CPA1: variants seen among roughly 807,000 people sequenced by gnomAD.
CPA1 encodes carboxypeptidase A1 (pancreatic).
CPA1 carries 42 observed loss-of-function variants against 48.7 expected under a neutral mutation model. The ratio of observed to expected loss-of-function variants is 0.86; its 90% CI spans 0.67 to 1.11. The LOEUF is 1.11. Ranked by LOEUF, CPA1 falls within the 50% of genes most tolerant of loss-of-function variation. CPA1 has a pLI of 0.00. For synonymous variants in CPA1, 203 were observed against 217.9 expected, an observed-to-expected ratio of 0.93 and a Z score of 0.60; for missense variants, 477 against 544.7, an observed-to-expected ratio of 0.88 and a Z score of 1.24.
chr7:130,386,911 C>T (rs2117508138), intron 9 of CPA1, among the ~76,000 whole-genome samples: 1 of 152,276 alleles, frequency 6.6e-6, no homozygotes, highest in Non-Finnish European at 1.5e-5. Flanking sequence ...GGGTGGGCCT[C>T]ATTGACAGAG....
chr7:130,383,277 T>G, intron 4 of CPA1, 114 bp from the exon 5 acceptor site: 1 of 791,170 alleles, frequency 1.3e-6, no homozygotes, highest in Non-Finnish European at 2.2e-6. Context: ...AGCCTCTACC[T>G]GAGATACACA....
intron 2 of CPA1, among the ~76,000 whole-genome samples, 165 bp from the exon 3 acceptor site, chr7:130,381,465 C>G (rs1796402707): frequency 6.6e-6 from 1 of 152,272 alleles, no homozygotes; most frequent in Non-Finnish European, 1.5e-5. Flanking sequence ...TCTCCAGTCC[C>G]CAGGGTTTCC....
rs28741972 is a variant in CPA1, at chr7:130,385,939, G to T, written c.1072+16G>T. ...AAGGCAATTTGTAAGTGGCCGTAGG[G>T]TCTCTCTTGATGGGCCTGCGAGGAA... is the stretch of plus-strand genomic sequence containing the variant. On this transcript the variant is annotated intron_variant, in intron 9 of 9. Transcript: ENST00000011292. 13 of 1,606,468 alleles carry T rather than the reference G, an allele frequency of 8.1e-6. No homozygotes were observed. The highest frequency in any genetic ancestry group is 1.1e-5 in the Non-Finnish European group (13 of 1,173,250).
At chr7:130,382,287 G>A in intron 4 of CPA1, 78 bp downstream of exon 4, 3 of 1,094,948 alleles carry the variant, frequency 2.7e-6, no homozygotes, top group Non-Finnish European at 4.2e-6. Flanking sequence ...GCTCTCCCGG[G>A]GAAATCATGG....
At position 130,387,728 on chromosome 7, in the gene CPA1, G is replaced by T. The variant is rs1584854119; in HGVS notation, c.1073-96G>T. ...CTGACTCCACTCAGCATTGCACAAG[G>T]CACAGAGCTTTGGACAGGGTTGGAT... On this transcript the variant is annotated intron_variant, in intron 9 of 9. Transcript: ENST00000011292. The surrounding 1 kb of genome is among the most constrained non-coding windows in gnomAD (Gnocchi z 4.6). 22 of 1,129,452 alleles carry T rather than the reference G, an allele frequency of 1.9e-5. No individual in the cohort carries two copies. Among genetic ancestry groups the T allele is most frequent in the Non-Finnish European group, 2.6e-5 (20 of 766,266 alleles). The allele number at this position is 1,129,452 out of a possible 1,614,324, so 70.0% of individuals were successfully genotyped here. A position where few individuals can be genotyped will look rare whatever the true frequency, so the allele number is the denominator to read the frequency against.
rs1489168421 is a variant in CPA1, at chr7:130,388,078, G to A, written c.*67G>A. The A allele has an allele frequency of 5.3e-6, 8 of 1,507,434 alleles. No homozygotes were observed. In the Admixed American group the frequency reaches 1.4e-4, roughly 26 times the overall value. 93.4% of individuals were successfully genotyped at this position (1,507,434 alleles called of 1,614,324 possible). On this transcript the variant is annotated 3_prime_UTR_variant, in exon 10 of 10. Transcript: ENST00000011292. ...ATCCAGGCAACCAAATAAAGTTTGA[G>A]TGTACCAGGAACAGAATCCTGGGGC...
In CPA1 at chr7:130,387,051, A is replaced by G. The variant is rs186720065; in HGVS notation, c.1073-773A>G. ...GCTCTACAGTGTGGTCTGGCCGGGG[A>G]TGTTGCTGGAACAACAAGACTGGTG... On this transcript the variant is annotated intron_variant, in intron 9 of 9. Coordinates refer to ENST00000011292, the MANE Select transcript of CPA1 (RefSeq NM_001868.4). The surrounding 1 kb of genome is among the most constrained non-coding windows in gnomAD (Gnocchi z 4.6). 3.4e-3 allele frequency among the ~76,000 whole-genome samples: 512 copies of G among 152,316 alleles called. 3 individuals carry two copies. The highest frequency in any genetic ancestry group is 0.012 in the African/African-American group (479 of 41,574).
Position 130,381,924 on chromosome 7 carries a change from ACGCGGTAGGG to A in CPA1, c.381+63_381+72del, listed in dbSNP as rs1421466590. The A allele has an allele frequency of 7.3e-6, 11 of 1,506,858 alleles. No individual in the cohort carries two copies. The Admixed American group carries it at 1.9e-4, about 27-fold the overall frequency. 93.3% of individuals were successfully genotyped at this position (1,506,858 alleles called of 1,614,324 possible). On this transcript the variant is annotated intron_variant, in intron 3 of 9. Coordinates refer to ENST00000011292, the MANE Select transcript of CPA1 (RefSeq NM_001868.4). ...CCAGCTCTTCATCATGGCTGGTAGA[ACGCGGTAGGG>A]CCAAGGCCAGGGCCAGCCTGGGTGT... is the stretch of plus-strand genomic sequence containing the variant.
At chr7:130,384,715 C>G in intron 7 of CPA1, 89 bp downstream of exon 7, 1 of 1,137,050 alleles carries the variant, frequency 8.8e-7, no homozygotes, top group Admixed American at 1.8e-5. Context: ...TCTCCTGCCC[C>G]TGCAGTGAGG....
In CPA1 at chr7:130,385,991, G is replaced by C. The variant is rs1796469976; in HGVS notation, c.1072+68G>C. 4.9e-6 allele frequency: 7 copies of C among 1,415,946 alleles called. No individual in the cohort carries two copies. The African/African-American group carries it at 8.4e-5, about 17-fold the overall frequency. The allele number at this position is 1,415,946 out of a possible 1,614,324, so 87.7% of individuals were successfully genotyped here. A position where few individuals can be genotyped will look rare whatever the true frequency, so the allele number is the denominator to read the frequency against. On this transcript the variant is annotated intron_variant, in intron 9 of 9. Coordinates refer to ENST00000011292, the MANE Select transcript of CPA1 (RefSeq NM_001868.4). The stretch of plus-strand genomic sequence containing the variant: ...ATCTGCTGGCTCTTCCTGACCGAGG[G>C]AGTATCCCTCATGGAAGGAAGTAGC...
intron 1 of CPA1, 56 bp downstream of exon 1, chr7:130,380,641 CCCAA>C: frequency 9.9e-7 from 1 of 1,006,622 alleles, no homozygotes; most frequent in Admixed American, 3.0e-5. Flanking sequence ...GGACTCAGCC[CCCAA>C]CCAGTAGAGG....
chr7:130,385,147 G>A lies in CPA1; in HGVS notation c.789G>A (p.Leu263=). ...GCCATGCCCTCTGTCCCCCCACAGT[G>A]TCCGGAGCCAGCAGTAACCCCTGCT... ...PNRNWDAGFG[L]SGASSNPCSE... is the part of the protein sequence containing the mutation. Residue 263 remains leucine, a splice_region_variant and synonymous_variant, in exon 8 of 10, where the codon TTG becomes TTA. Coordinates refer to ENST00000011292, the MANE Select transcript of CPA1 (RefSeq NM_001868.4). 3.7e-6 allele frequency: 6 copies of A among 1,614,120 alleles called. No individual in the cohort carries two copies. The highest frequency in any genetic ancestry group is 5.1e-6 in the Non-Finnish European group (6 of 1,180,040).
intron 4 of CPA1, 28 bp from the exon 5 acceptor site, chr7:130,383,363 T>A: frequency 1.2e-6 from 2 of 1,601,454 alleles, no homozygotes; most frequent in Non-Finnish European, 1.7e-6. Flanking sequence ...TGAAATTGCC[T>A]CTGATCACTC....
At position 130,381,770 on chromosome 7, in the gene CPA1, G is replaced by C; in HGVS notation, c.288G>C (p.Leu96=). Residue 96 remains leucine, a synonymous_variant, in exon 3 of 10, where the codon CTG becomes CTC. Coordinates refer to ENST00000011292, the MANE Select transcript of CPA1 (RefSeq NM_001868.4). ...CCATGATCGAGGACGTGCAGTCGCT[G>C]CTGGACGAGGAGCAGGAGCAGATGT... ...YETMIEDVQS[L]LDEEQEQMFA... 6.8e-6 allele frequency: 11 copies of C among 1,614,180 alleles called. No individual in the cohort carries two copies. The highest frequency in any genetic ancestry group is 9.3e-6 in the Non-Finnish European group (11 of 1,180,030).
intron 3 of CPA1, 67 bp downstream of exon 3, chr7:130,381,930 T>TAGGGCC: frequency 1.4e-6 from 2 of 1,476,258 alleles, no homozygotes; most frequent in African/African-American, 1.4e-5. Flanking sequence ...TAGAACGCGG[T>TAGGGCC]AGGGCCAAGG....
chr7:130,383,238 A>T (rs1554411461), intron 4 of CPA1, among the ~76,000 whole-genome samples, 153 bp from the exon 5 acceptor site: 1 of 152,128 alleles, frequency 6.6e-6, no homozygotes, highest in East Asian at 1.9e-4. Flanking sequence ...CCAGCCCCAA[A>T]CCCACCTGAG....
intron 3 of CPA1, 36 bp from the exon 4 acceptor site, chr7:130,382,072 C>T: frequency 6.4e-7 from 1 of 1,556,878 alleles, no homozygotes; most frequent in Non-Finnish European, 8.9e-7. Flanking sequence ...TGCCCAGAAG[C>T]TATTAAGGCC....
intron 7 of CPA1, 27 bp from the exon 8 acceptor site, chr7:130,385,119 A>C: frequency 6.2e-6 from 10 of 1,611,046 alleles, no homozygotes; most frequent in Non-Finnish European, 7.6e-6. Flanking sequence ...GAGGAGCCAC[A>C]CCGCCATGCC....
intron 3 of CPA1, 73 bp from the exon 4 acceptor site, chr7:130,382,035 G>A: frequency 7.5e-7 from 1 of 1,338,538 alleles, no homozygotes; most frequent in Non-Finnish European, 1.1e-6. Flanking sequence ...GGCTGGGACG[G>A]TGGGGCTGCT....
Sources: gnomAD v4.1 joint callset for allele counts (sites outside exome capture counted in the v4.1 genomes callset) on GRCh38, gnomAD v4.1.1 for gene constraint, Gnocchi (gnomAD v3.1) non-coding constraint, MANE v1.5 for transcripts, NCBI Gene and HGNC (gene_info 2026-07-23, HGNC 2026-07-21) for gene names.